SGCZ: variants seen among roughly 807,000 people sequenced by gnomAD.
SGCZ encodes the protein sarcoglycan zeta.
SGCZ carries 40 observed loss-of-function variants against 41.3 expected under a neutral mutation model. The ratio of observed to expected loss-of-function variants is 0.97; its 90% CI spans 0.75 to 1.26. SGCZ has a LOEUF of 1.26. Among genes scored for constraint, SGCZ ranks in the 50% most tolerant of loss-of-function variants. The pLI is 0.00. For synonymous variants in SGCZ, 206 were observed against 137.5 expected, an observed-to-expected ratio of 1.50 and a Z score of -3.49; for missense variants, 552 against 369.8, an observed-to-expected ratio of 1.49 and a Z score of -4.04.
At chr8:15,160,779 C>T (rs368763040) in intron 1 of SGCZ, among the ~76,000 whole-genome samples, 12 of 152,206 alleles carry the variant, frequency 7.9e-5, no homozygotes, top group African/African-American at 2.9e-4. Context: ...CAGTTGAGGG[C>T]CACTGCATCC....
intron 1 of SGCZ, among the ~76,000 whole-genome samples, chr8:14,763,646 G>A (rs1799954463): frequency 6.6e-6 from 1 of 152,112 alleles, no homozygotes; most frequent in Non-Finnish European, 1.5e-5. Flanking sequence ...AAACATTAGT[G>A]AGCCCCTGGA....
At chr8:14,471,352 T>C (rs1198706937) in intron 2 of SGCZ, among the ~76,000 whole-genome samples, 1 of 152,140 alleles carries the variant, frequency 6.6e-6, no homozygotes, top group Non-Finnish European at 1.5e-5. Flanking sequence ...CTTATAGAAA[T>C]AGTACTATTG....
At chr8:14,412,282 G>T (rs940202552) in intron 2 of SGCZ, among the ~76,000 whole-genome samples, 2 of 151,982 alleles carry the variant, frequency 1.3e-5, no homozygotes, top group Non-Finnish European at 2.9e-5. Context: ...AGACCCTAAG[G>T]TATTTTTATA....
intron 1 of SGCZ, among the ~76,000 whole-genome samples, chr8:14,867,870 G>A (rs1485646705): frequency 2.0e-5 from 3 of 150,420 alleles, no homozygotes; most frequent in African/African-American, 7.4e-5. Flanking sequence ...CCATGACACA[G>A]GTTTACCTAA....
chr8:14,193,408 A>G (rs1316483191), intron 4 of SGCZ, among the ~76,000 whole-genome samples: 1 of 151,054 alleles, frequency 6.6e-6, no homozygotes. Context: ...TAATAATGCT[A>G]TCTGAGTATG....
intron 4 of SGCZ, among the ~76,000 whole-genome samples, chr8:14,178,295 T>G (rs1399407218): frequency 6.6e-6 from 1 of 152,184 alleles, no homozygotes; most frequent in Admixed American, 6.5e-5. Flanking sequence ...TCTAGCTAAA[T>G]GTAAATATTG....
At chr8:14,214,566 T>G (rs1805926848) in intron 4 of SGCZ, among the ~76,000 whole-genome samples, 1 of 152,102 alleles carries the variant, frequency 6.6e-6, no homozygotes, top group African/African-American at 2.4e-5. Flanking sequence ...AAAATAAAAG[T>G]GTATTTATAA....
chr8:14,592,857 A>G (rs1510424), intron 1 of SGCZ, among the ~76,000 whole-genome samples: 17,686 of 152,182 alleles, frequency 0.12, 1,277 homozygotes, highest in East Asian at 0.34. Context: ...CTAGAAGACA[A>G]ACAATTACAG....
At chr8:14,732,945 C>T (rs763653310) in intron 1 of SGCZ, among the ~76,000 whole-genome samples, 13 of 152,012 alleles carry the variant, frequency 8.6e-5, no homozygotes, top group African/African-American at 1.9e-4. Context: ...AAATAAGATT[C>T]GCATTGATTA....
intron 1 of SGCZ, among the ~76,000 whole-genome samples, chr8:15,111,203 C>G (rs1171833999): frequency 6.6e-6 from 1 of 152,088 alleles, no homozygotes; most frequent in Non-Finnish European, 1.5e-5. Context: ...GTTCTGGTGG[C>G]AGGTAACCCA....
intron 2 of SGCZ, among the ~76,000 whole-genome samples, chr8:14,407,798 G>A (rs144383540): frequency 6.6e-6 from 1 of 152,222 alleles, no homozygotes; most frequent in African/African-American, 2.4e-5. Flanking sequence ...GTCAAGCAGA[G>A]ACTTTCAAAT....
chr8:14,602,563 A>G (rs1805627645), intron 1 of SGCZ, among the ~76,000 whole-genome samples: 1 of 152,176 alleles, frequency 6.6e-6, no homozygotes, highest in African/African-American at 2.4e-5. Flanking sequence ...TTAAAAATTA[A>G]TGCACATATC....
At chr8:14,433,496 T>C (rs1312873938) in intron 2 of SGCZ, among the ~76,000 whole-genome samples, 2 of 152,200 alleles carry the variant, frequency 1.3e-5, no homozygotes, top group Non-Finnish European at 2.9e-5. Flanking sequence ...TGCTGAGATA[T>C]CTGGAAAACT....
At chr8:14,508,195 A>G (rs1181991535) in intron 2 of SGCZ, among the ~76,000 whole-genome samples, 2 of 152,000 alleles carry the variant, frequency 1.3e-5, no homozygotes, top group Non-Finnish European at 1.5e-5. Context: ...TCTATTCTTC[A>G]CTGTCTCCCT....
At chr8:14,571,828 A>T (rs1804563587) in intron 1 of SGCZ, among the ~76,000 whole-genome samples, 1 of 152,184 alleles carries the variant, frequency 6.6e-6, no homozygotes, top group Non-Finnish European at 1.5e-5. Context: ...ACAGTTTAAA[A>T]TTATGTCAAC....
intron 1 of SGCZ, among the ~76,000 whole-genome samples, chr8:14,825,960 T>C (rs548696693): frequency 1.3e-5 from 2 of 152,274 alleles, no homozygotes; most frequent in Admixed American, 1.3e-4. Flanking sequence ...TATTATACTT[T>C]AAGTTTTAGG....
intron 1 of SGCZ, among the ~76,000 whole-genome samples, chr8:14,655,237 G>A (rs559288143): frequency 1.3e-5 from 2 of 152,052 alleles, no homozygotes; most frequent in South Asian, 4.1e-4. Flanking sequence ...TTTTTCCACT[G>A]TCGTCTTTAC....
intron 1 of SGCZ, among the ~76,000 whole-genome samples, chr8:14,762,434 A>G (rs1468792643): frequency 6.6e-6 from 1 of 152,238 alleles, no homozygotes; most frequent in Admixed American, 6.5e-5. Context: ...AATGGAAATA[A>G]TAATTCCCAC....
intron 1 of SGCZ, among the ~76,000 whole-genome samples, chr8:15,100,284 C>G (rs991687495): frequency 6.6e-6 from 1 of 151,956 alleles, no homozygotes; most frequent in African/African-American, 2.4e-5. Context: ...ATATAAAAGT[C>G]CATTTATTTT....
Sources: gnomAD v4.1 joint callset for allele counts (sites outside exome capture counted in the v4.1 genomes callset) on GRCh38, gnomAD v4.1.1 for gene constraint, MANE v1.5 for transcripts, NCBI Gene and HGNC (gene_info 2026-07-23, HGNC 2026-07-21) for gene names.